Variants in CCDC18 observed in about 807,000 individuals in gnomAD.
The protein encoded by CCDC18 is coiled-coil domain containing 18.
A neutral mutation model predicts 196.0 loss-of-function variants in CCDC18; 157 were observed. The observed-to-expected ratio is 0.80, with a 90% CI of 0.70 to 0.91. The LOEUF is 0.91. Ranked by LOEUF, CCDC18 falls within the 40% of genes least tolerant of loss-of-function variation. CCDC18 has a pLI of 0.00. For missense variants in CCDC18, 1,465 were observed against 1,611.6 expected (o/e 0.91, Z 1.56); for synonymous variants, 482 against 529.2 (o/e 0.91, Z 1.22).
chr1:93,270,498 C>T lies in CCDC18; in HGVS notation c.4037C>T (p.Ser1346Phe). 3.9e-6 allele frequency: 6 copies of T among 1,550,320 alleles called. No homozygotes were observed. Among genetic ancestry groups the T allele is most frequent in the Non-Finnish European group, 5.2e-6 (6 of 1,146,856 alleles). The change falls in exon 28 of 29, where the codon TCC (serine) becomes TTC (phenylalanine). Residue 1346 changes from serine (S) to phenylalanine (F), a missense_variant. By Grantham distance (155) the Ser-to-Phe change is radical. Transcript: ENST00000690025. The part of the protein sequence containing the change: ...KFAKCFHTSF[S>F]KCTKLRRSIS... ...GCTAAATGTTTTCACACATCTTTTT[C>T]CAAGTGTACAAAATTACGTCGCTCT...
intron 28 of CCDC18, among the ~76,000 whole-genome samples, chr1:93,275,755 T>C (rs938793854): frequency 6.6e-6 from 1 of 151,990 alleles, no homozygotes; most frequent in Admixed American, 6.5e-5. Context: ...TGCCACAGAG[T>C]TGTTTGCCCT....
At position 93,183,758 on chromosome 1, in the gene CCDC18, G is replaced by A. The variant is rs148539090; in HGVS notation, c.135-220G>A. Among the ~76,000 whole-genome samples, 102 of 151,850 alleles carry A rather than the reference G, an allele frequency of 6.7e-4. 1 individual carries two copies. In the East Asian group the frequency reaches 0.019, roughly 28 times the overall value. On this transcript the variant is annotated intron_variant, in intron 2 of 28. Coordinates refer to ENST00000690025, the MANE Select transcript of CCDC18 (RefSeq NM_001378204.1). ...TTTACTAATTTTTTATGATTTTTTT[G>A]AATCTTAAGTAATCTTAGCGTAGAG...
intron 8 of CCDC18, among the ~76,000 whole-genome samples, chr1:93,205,864 G>A (rs1372437775): frequency 6.6e-6 from 1 of 152,066 alleles, no homozygotes; most frequent in Non-Finnish European, 1.5e-5. Context: ...TATTTGCTTT[G>A]CATATATTTA....
chr1:93,205,574 T>C lies in CCDC18; in HGVS notation c.860T>C (p.Leu287Pro). The change falls in exon 8 of 29, where the codon CTA (leucine) becomes CCA (proline). Residue 287 changes from leucine to proline, a missense_variant. Physicochemically the swap from Leu to Pro is moderately conservative, Grantham distance 98. Coordinates refer to ENST00000690025, the MANE Select transcript of CCDC18 (RefSeq NM_001378204.1). ...LTNCEKENKR[L>P]QERCGLYKSE... is the part of the protein sequence containing the mutation. Reference sequence around the variant, plus strand: ...AACTGTGAAAAAGAAAATAAAAGGCTACAAGAAAGGTGTGGTCTATATAAA... The same window carrying C: ...AACTGTGAAAAAGAAAATAAAAGGCCACAAGAAAGGTGTGGTCTATATAAA... 6.3e-7 allele frequency: 1 copy of C among 1,596,062 alleles called. No individual in the cohort carries two copies. Among genetic ancestry groups the C allele is most frequent in the Non-Finnish European group, 8.6e-7 (1 of 1,167,194 alleles).
At chr1:93,253,573 G>T (rs61799500) in intron 23 of CCDC18, among the ~76,000 whole-genome samples, 28,304 of 152,124 alleles carry the variant, frequency 0.19, 2,898 homozygotes, top group East Asian at 0.31. Flanking sequence ...GTCTCCCTTT[G>T]GGTCTGTGTG....
chr1:93,201,149 G>A (rs1345465297), intron 6 of CCDC18, among the ~76,000 whole-genome samples: 1 of 152,096 alleles, frequency 6.6e-6, no homozygotes, highest in Non-Finnish European at 1.5e-5. Flanking sequence ...ATTTCTGAAG[G>A]GTTAAGAGTT....
intron 9 of CCDC18, among the ~76,000 whole-genome samples, chr1:93,209,363 A>T (rs948175913): frequency 6.6e-6 from 1 of 152,252 alleles, no homozygotes; most frequent in African/African-American, 2.4e-5. Flanking sequence ...CTATTCAGGA[A>T]TTTGTAATCA....
chr1:93,202,877 G>A (rs1431486700), intron 7 of CCDC18, among the ~76,000 whole-genome samples: 5 of 152,196 alleles, frequency 3.3e-5, no homozygotes, highest in Admixed American at 6.5e-5. Context: ...AGAGGTAGGT[G>A]TGGTAGGGTG....
Position 93,229,792 on chromosome 1 carries a change from CA to C in CCDC18, c.2293-2632del, listed in dbSNP as rs1273061830. On this transcript the variant is annotated intron_variant, in intron 17 of 28. Transcript: ENST00000690025. ...TAATTTCATATTAAAATGTTTTTAA[CA>C]ATGCTTTTAAAATAATAAAGTTATG... Among the ~76,000 whole-genome samples the C allele has an allele frequency of 3.3e-5, 5 of 151,994 alleles. No individual in the cohort carries two copies. The East Asian group carries it at 9.6e-4, about 29-fold the overall frequency.
chr1:93,271,496 CTTCT>C, intron 28 of CCDC18: 5 of 985,330 alleles, frequency 5.1e-6, no homozygotes, highest in Non-Finnish European at 6.0e-6. Context: ...TATCTTCAGG[CTTCT>C]TTATTTCCCT....
chr1:93,263,011 G>A (rs1212216688), intron 26 of CCDC18, among the ~76,000 whole-genome samples: 1 of 152,078 alleles, frequency 6.6e-6, no homozygotes, highest in Non-Finnish European at 1.5e-5. Flanking sequence ...CTGAAGCAAT[G>A]GTCTGAGCTG....
intron 8 of CCDC18, among the ~76,000 whole-genome samples, chr1:93,206,794 T>C (rs553523486): frequency 6.6e-6 from 1 of 152,258 alleles, no homozygotes; most frequent in South Asian, 2.1e-4. Flanking sequence ...TCCTGTCTTA[T>C]ATAATTAAAC....
intron 10 of CCDC18, among the ~76,000 whole-genome samples, chr1:93,211,206 A>C (rs1655576993): frequency 6.7e-6 from 1 of 149,792 alleles, no homozygotes. Flanking sequence ...TGAACCCGGG[A>C]GGCGGTGGTT....
chr1:93,209,509 C>T (rs1655262848), intron 9 of CCDC18, among the ~76,000 whole-genome samples: 1 of 151,938 alleles, frequency 6.6e-6, no homozygotes, highest in African/African-American at 2.4e-5. Context: ...AATTATGAAC[C>T]AAAAAAATCT....
chr1:93,243,007 A>C (rs917415193), intron 21 of CCDC18, among the ~76,000 whole-genome samples: 2 of 152,190 alleles, frequency 1.3e-5, no homozygotes, highest in East Asian at 3.8e-4. Flanking sequence ...TCATGGTGCA[A>C]GCTGTCAGTG....
At chr1:93,256,562 T>G in intron 25 of CCDC18, 24 bp downstream of exon 25, 3 of 1,562,988 alleles carry the variant, frequency 1.9e-6, no homozygotes, top group Non-Finnish European at 2.6e-6. Context: ...TAAATAATCT[T>G]ATGTATCTGA....
intron 23 of CCDC18, among the ~76,000 whole-genome samples, chr1:93,251,665 A>C (rs915807527): frequency 6.6e-5 from 10 of 151,946 alleles, no homozygotes; most frequent in African/African-American, 2.4e-4. Context: ...TCTTCCTTAT[A>C]TATTATTTGC....
intron 28 of CCDC18, 105 bp downstream of exon 28, chr1:93,270,919 T>C: frequency 7.2e-7 from 1 of 1,393,056 alleles, no homozygotes; most frequent in Non-Finnish European, 9.4e-7. Flanking sequence ...TACTAATATT[T>C]GAAGAAGGAA....
rs532299648 is a variant in CCDC18 at position 93,221,388 on chromosome 1, C to A, written c.1963-221C>A. On this transcript the variant is annotated intron_variant, in intron 14 of 28. Coordinates refer to ENST00000690025, the MANE Select transcript of CCDC18 (RefSeq NM_001378204.1). Reference sequence around the variant, plus strand: ...TTCTTGAGCGATCAGCAATGTTGAGCTTTTTTTTTGTATGTTTGTTGTCCA... The same window carrying A: ...TTCTTGAGCGATCAGCAATGTTGAGATTTTTTTTTGTATGTTTGTTGTCCA... 1.1e-4 allele frequency among the ~76,000 whole-genome samples: 17 copies of A among 151,060 alleles called. 1 individual carries two copies. The highest frequency in any genetic ancestry group is 2.4e-4 in the Non-Finnish European group (16 of 67,730).
Sources: gnomAD v4.1 joint callset for allele counts (sites outside exome capture counted in the v4.1 genomes callset) on GRCh38, gnomAD v4.1.1 for gene constraint, MANE v1.5 for transcripts, NCBI Gene and HGNC (gene_info 2026-07-23, HGNC 2026-07-21) for gene names.